FOXP1: variants seen among roughly 807,000 people sequenced by gnomAD.
FOXP1 encodes forkhead box protein P1.
In FOXP1, 15 loss-of-function variants were observed where a neutral mutation model predicts 98.2. The observed-to-expected ratio is 0.15, with a 90% confidence interval of 0.10 to 0.24. The LOEUF is 0.24. Ranked by LOEUF, FOXP1 falls within the 10% of genes least tolerant of loss-of-function variation. The pLI is 1.00. For missense variants in FOXP1, 633 were observed against 848.5 expected (o/e 0.75, Z 3.15); for synonymous variants, 371 against 314.5 (o/e 1.18, Z -1.90).
intron 7 of FOXP1, among the ~76,000 whole-genome samples, chr3:71,103,930 T>C (rs1176099363): frequency 1.3e-5 from 2 of 152,048 alleles, no homozygotes; most frequent in Admixed American, 1.3e-4. Context: ...TGTACAAAAA[T>C]TCTAAATCAA....
intron 5 of FOXP1, chr3:71,288,393 A>G (rs1249087848): frequency 1.3e-5 from 2 of 152,174 alleles, no homozygotes; most frequent in African/African-American, 2.4e-5. Context: ...AGTTTTGAGA[A>G]AGCTAGAATC....
At chr3:71,443,382 C>T (rs976362637) in intron 3 of FOXP1, among the ~76,000 whole-genome samples, 1 of 152,102 alleles carries the variant, frequency 6.6e-6, no homozygotes, top group Non-Finnish European at 1.5e-5. Context: ...TTGAAATATA[C>T]AATACTTTAT....
intron 7 of FOXP1, among the ~76,000 whole-genome samples, chr3:71,096,642 C>T (rs2056482227): frequency 6.6e-6 from 1 of 152,084 alleles, no homozygotes; most frequent in Non-Finnish European, 1.5e-5. Context: ...GGATTCAAGA[C>T]AGAGCTGTAT....
At position 71,041,832 on chromosome 3, in the gene FOXP1, T is replaced by C. The variant is rs538286982; in HGVS notation, c.665-300A>G. Among the ~76,000 whole-genome samples the C allele has an allele frequency of 2.2e-4, 34 of 152,202 alleles. No individual in the cohort carries two copies. The South Asian group carries it at 4.4e-3, about 19-fold the overall frequency. ...ACCATCCCAAGTGTTATTTCTCAAT[T>C]TTGATGAAAAGTAGATAGATGTTAC... On this transcript the variant is annotated intron_variant, in intron 10 of 20. Transcript: ENST00000649528.
intron 7 of FOXP1, among the ~76,000 whole-genome samples, chr3:71,085,783 G>A (rs2055019640): frequency 9.6e-6 from 1 of 104,544 alleles, no homozygotes; most frequent in Non-Finnish European, 1.8e-5. Flanking sequence ...AGACTGGAGT[G>A]CAGTGGTGTG....
At position 71,198,268 on chromosome 3, in the gene FOXP1, G is replaced by A. The variant is rs1560102007; in HGVS notation, c.114C>T (p.Asn38=). Reference sequence around the variant, plus strand: ...CGATGTCCACGGCCGGCGTCTCTCCGTTGGACCGCCCCTCCCGAAGACCGC... The same window carrying A: ...CGATGTCCACGGCCGGCGTCTCTCCATTGGACCGCCCCTCCCGAAGACCGC... The part of the protein sequence containing the change: ...ECGGLREGRS[N]GETPAVDIGA... The change falls in exon 6 of 21, where the codon AAC becomes AAT. Residue 38 remains asparagine, a synonymous_variant. Coordinates refer to ENST00000649528, the MANE Select transcript of FOXP1 (RefSeq NM_001349338.3). The A allele has an allele frequency of 6.2e-7, 1 of 1,614,162 alleles. No individual in the cohort carries two copies. Among genetic ancestry groups the A allele is most frequent in the Middle Eastern group, 1.6e-4 (1 of 6,062 alleles).
chr3:70,992,056 T>A (rs1236226288), intron 13 of FOXP1, among the ~76,000 whole-genome samples: 2 of 152,202 alleles, frequency 1.3e-5, no homozygotes, highest in Non-Finnish European at 2.9e-5. Context: ...GGCACCTAAA[T>A]GAATGCATGA....
intron 7 of FOXP1, among the ~76,000 whole-genome samples, chr3:71,068,836 CAGA>C (rs1203784181): frequency 6.6e-6 from 1 of 152,180 alleles, no homozygotes; most frequent in Non-Finnish European, 1.5e-5. Flanking sequence ...CGCGCCTCCC[CAGA>C]AGGAGGACTG....
intron 2 of FOXP1, among the ~76,000 whole-genome samples, chr3:71,496,306 A>G (rs1226174395): frequency 6.6e-6 from 1 of 152,166 alleles, no homozygotes; most frequent in African/African-American, 2.4e-5. Flanking sequence ...TTCTAGAAGA[A>G]TTCATTATCT....
chr3:71,220,759 A>AAATAG (rs1431603180), intron 5 of FOXP1, among the ~76,000 whole-genome samples: 21 of 149,128 alleles, frequency 1.4e-4, no homozygotes, highest in African/African-American at 5.3e-4. Flanking sequence ...TCTCAAAATA[A>AAATAG]AATAAAATAA....
chr3:71,423,838 G>C (rs2083866416), intron 3 of FOXP1, among the ~76,000 whole-genome samples: 1 of 152,174 alleles, frequency 6.6e-6, no homozygotes, highest in South Asian at 2.1e-4. Context: ...GACATCTTCA[G>C]TTGTATTTAA....
Position 70,959,149 on chromosome 3 carries a change from T to G in FOXP1, c.*98A>C. 1 of 1,423,038 alleles carries G rather than the reference T, an allele frequency of 7.0e-7. No individual in the cohort carries two copies. The highest frequency in any genetic ancestry group is 9.9e-7 in the Non-Finnish European group (1 of 1,013,224). 88.2% of individuals were successfully genotyped at this position (1,423,038 alleles called of 1,614,324 possible). A position where few individuals can be genotyped will look rare whatever the true frequency, so the allele number is the denominator to read the frequency against. Reference sequence around the variant, plus strand: ...AACGTAGTGAAAATCCTCCAGACTGTACAACAAATGGAGAACAATTTCACT... The same window carrying G: ...AACGTAGTGAAAATCCTCCAGACTGGACAACAAATGGAGAACAATTTCACT... On this transcript the variant is annotated 3_prime_UTR_variant, in exon 21 of 21. Coordinates refer to ENST00000649528, the MANE Select transcript of FOXP1 (RefSeq NM_001349338.3).
chr3:71,473,779 T>C (rs2089573928), intron 3 of FOXP1, among the ~76,000 whole-genome samples: 1 of 152,188 alleles, frequency 6.6e-6, no homozygotes, highest in South Asian at 2.1e-4. Context: ...GCATTTTTGG[T>C]TGTCACAACG....
At chr3:71,560,256 C>A (rs968533379) in intron 2 of FOXP1, among the ~76,000 whole-genome samples, 4 of 152,220 alleles carry the variant, frequency 2.6e-5, no homozygotes, top group Admixed American at 2.0e-4. Flanking sequence ...ACGATTGACT[C>A]TTCCACAGAC....
Position 71,198,356 on chromosome 3 carries a change from G to C in FOXP1, c.26C>G (p.Thr9Arg), listed in dbSNP as rs2108382467. MMQESGTE[T>R]KSNGSAIQNG... ...CTGGATGGCTGAACCGTTACTTTTT[G>C]TCTCAGTCCCAGATTCTTGCATCAT... Residue 9 changes from threonine (T) to arginine (R), a missense_variant, in exon 6 of 21, where the codon ACA becomes AGA. Physicochemically the swap from Thr to Arg is moderately conservative, Grantham distance 71. Transcript: ENST00000649528. 1 of 1,432,226 alleles carries C rather than the reference G, an allele frequency of 7.0e-7. No homozygotes were observed. The highest frequency in any genetic ancestry group is 9.4e-7 in the Non-Finnish European group (1 of 1,068,132). The allele number at this position is 1,432,226 out of a possible 1,614,324, so 88.7% of individuals were successfully genotyped here.
In FOXP1 at chr3:71,269,173, A is replaced by G. The variant is rs541774291; in HGVS notation, c.-12+30647T>C. Among the ~76,000 whole-genome samples the G allele has an allele frequency of 3.2e-3, 489 of 151,214 alleles. 4 individuals are homozygous for G. Among genetic ancestry groups the G allele is most frequent in the African/African-American group, 0.012 (482 of 41,134 alleles). On this transcript the variant is annotated intron_variant, in intron 5 of 20. Transcript: ENST00000649528. ...AACTCTCAGTCTGGAATCAGCCCAC[A>G]GGTCTGCAGCTATAAAAATCATCTC... is the stretch of plus-strand genomic sequence containing the variant.
chr3:71,516,938 G>A (rs1484906168), intron 2 of FOXP1, among the ~76,000 whole-genome samples: 3 of 152,160 alleles, frequency 2.0e-5, no homozygotes, highest in Non-Finnish European at 4.4e-5. Context: ...CCCATCCAGG[G>A]CCACGTGTGT....
intron 6 of FOXP1, among the ~76,000 whole-genome samples, chr3:71,145,763 TA>T (rs546314967): frequency 2.2e-4 from 34 of 152,350 alleles, no homozygotes; most frequent in African/African-American, 8.2e-4. Flanking sequence ...TGCATTTCCC[TA>T]ATGTCTAATG....
At chr3:71,578,028 G>A (rs2047865052) in intron 2 of FOXP1, among the ~76,000 whole-genome samples, 1 of 152,026 alleles carries the variant, frequency 6.6e-6, no homozygotes, top group African/African-American at 2.4e-5. Flanking sequence ...TAAAAGAAGT[G>A]TGACATCTGA....
Sources: allele counts gnomAD v4.1 joint callset (sites outside exome capture counted in the v4.1 genomes callset), GRCh38; gene constraint gnomAD v4.1.1; transcripts MANE v1.5; gene names NCBI Gene and HGNC (gene_info 2026-07-23, HGNC 2026-07-21).